The following CEP295 variants were observed in gnomAD, a reference collection of about 807,000 sequenced individuals.
CEP295 encodes the protein centrosomal protein 295.
A neutral mutation model predicts 291.6 loss-of-function variants in CEP295; 190 were observed. The ratio of observed to expected loss-of-function variants is 0.65; its 90% CI spans 0.58 to 0.73. The LOEUF (loss-of-function observed/expected upper bound fraction) is 0.73, where lower values mean the gene tolerates loss of function less well. Ranked by LOEUF, CEP295 falls within the 30% of genes least tolerant of loss-of-function variation. The pLI, the probability that CEP295 is intolerant of heterozygous loss-of-function variation, is 0.00. For missense variants in CEP295, 2,863 were observed against 2,949.4 expected (o/e 0.97, Z 0.68); for synonymous variants, 993 against 1,038.8 (o/e 0.96, Z 0.85).
intron 7 of CEP295, among the ~76,000 whole-genome samples, chr11:93,682,206 AC>A (rs1393434440): frequency 1.3e-5 from 2 of 152,058 alleles, no homozygotes; most frequent in African/African-American, 4.8e-5. Context: ...ATATGTTATC[AC>A]TTTTTAATTT....
At chr11:93,728,963 G>A in intron 25 of CEP295, 142 bp downstream of exon 25, 1 of 670,710 alleles carries the variant, frequency 1.5e-6, no homozygotes, top group East Asian at 2.9e-5. Context: ...CTCTCAATTT[G>A]TCTTAAACCT....
intron 20 of CEP295, chr11:93,722,372 G>A (rs1177433656): frequency 4.1e-6 from 1 of 242,062 alleles, no homozygotes; most frequent in East Asian, 1.1e-4. Context: ...TGAGGTGAGG[G>A]GATCGCTTGA....
rs558849782 is a variant in CEP295, at chr11:93,698,812, T to C, written c.3900T>C (p.Phe1300=). The change falls in exon 15 of 30, where the codon TTT becomes TTC. Residue 1300 remains phenylalanine (F), a synonymous_variant. Transcript: ENST00000325212. ...TACCCCAGTTGGTACAGCTTTCATT[T>C]ACTTCGTTAGCTTCAGCTGAGTCTG... ...SFIPQLVQLS[F]TSLASAESGT... is the part of the protein sequence containing the mutation. The C allele has an allele frequency of 6.3e-5, 97 of 1,551,756 alleles. No individual in the cohort carries two copies. The East Asian group carries it at 1.6e-3, about 26-fold the overall frequency.
At chr11:93,673,528 C>A (rs1215502916) in intron 5 of CEP295, among the ~76,000 whole-genome samples, 2 of 151,910 alleles carry the variant, frequency 1.3e-5, no homozygotes, top group Non-Finnish European at 2.9e-5. Context: ...GAATCTTATT[C>A]TGTCGCCCAG....
At position 93,723,310 on chromosome 11, in the gene CEP295, T is replaced by G. The variant is rs1375701364; in HGVS notation, c.6196+21T>G. 3 of 1,422,116 alleles carry G rather than the reference T, an allele frequency of 2.1e-6. No individual in the cohort carries two copies. The Admixed American group carries it at 7.9e-5, about 38-fold the overall frequency. 88.1% of individuals were successfully genotyped at this position (1,422,116 alleles called of 1,614,324 possible). A position where few individuals can be genotyped will look rare whatever the true frequency, so the allele number is the denominator to read the frequency against. The stretch of plus-strand genomic sequence containing the variant: ...GCAAGGTAAAATTATTTTAAAGCAA[T>G]ACTTTTATGTAAATTAAGTTTTAAA... On this transcript the variant is annotated intron_variant, in intron 21 of 29. Coordinates refer to ENST00000325212, the MANE Select transcript of CEP295 (RefSeq NM_033395.2).
intron 24 of CEP295, 71 bp from the exon 25 acceptor site, chr11:93,728,610 T>C (rs1214387706): frequency 6.6e-6 from 9 of 1,366,248 alleles, no homozygotes; most frequent in East Asian, 2.7e-5. Flanking sequence ...ATGTGCATTA[T>C]ATACAAAACG....
chr11:93,690,037 T>C (rs1951438800), intron 10 of CEP295, among the ~76,000 whole-genome samples: 1 of 151,808 alleles, frequency 6.6e-6, no homozygotes, highest in Admixed American at 6.6e-5. Context: ...GTAAAAGGAG[T>C]GGCCAGAGAA....
chr11:93,714,890 G>C (rs1953135938), intron 18 of CEP295, among the ~76,000 whole-genome samples: 1 of 152,150 alleles, frequency 6.6e-6, no homozygotes, highest in Non-Finnish European at 1.5e-5. Flanking sequence ...GCTGGGGGGA[G>C]GGGTGACACA....
intron 18 of CEP295, among the ~76,000 whole-genome samples, chr11:93,718,687 C>T (rs879722998): frequency 2.6e-5 from 4 of 152,190 alleles, no homozygotes; most frequent in Admixed American, 6.5e-5. Context: ...ATTAACTTCT[C>T]ATTTCCCAAT....
chr11:93,666,771 T>C lies in CEP295; in HGVS notation c.64T>C (p.Leu22=). Residue 22 remains leucine (L), a synonymous_variant, in exon 2 of 30, where the codon TTG becomes CTG. Coordinates refer to ENST00000325212, the MANE Select transcript of CEP295 (RefSeq NM_033395.2). ...RLSPNEEAFI[L]KEDYERRRKL... is the part of the protein sequence containing the mutation. ...GAGTCCTAATGAGGAAGCCTTCATT[T>C]TGAAGGAAGATTATGAAAGAAGGCG... 1.9e-6 allele frequency: 3 copies of C among 1,548,696 alleles called. No homozygotes were observed. The highest frequency in any genetic ancestry group is 2.6e-6 in the Non-Finnish European group (3 of 1,144,852).
intron 17 of CEP295, among the ~76,000 whole-genome samples, chr11:93,704,879 A>T (rs2135173483): frequency 6.6e-6 from 1 of 152,290 alleles, no homozygotes; most frequent in South Asian, 2.1e-4. Flanking sequence ...TTACTTTTCA[A>T]GTATTTTAAG....
chr11:93,677,814 A>C (rs1011684738), intron 6 of CEP295, among the ~76,000 whole-genome samples: 1 of 152,188 alleles, frequency 6.6e-6, no homozygotes, highest in Non-Finnish European at 1.5e-5. Flanking sequence ...CAAGATTCAG[A>C]AATGTATTTA....
At chr11:93,670,753 G>T (rs952371222) in intron 5 of CEP295, among the ~76,000 whole-genome samples, 59 of 152,144 alleles carry the variant, frequency 3.9e-4, no homozygotes, top group African/African-American at 1.4e-3. Flanking sequence ...TATTATCCAT[G>T]ATGCCTTTTG....
At position 93,729,433 on chromosome 11, in the gene CEP295, GGTGA is replaced by G. The variant is rs1316192186; in HGVS notation, c.7309_7312del (p.Glu2437PhefsTer21). The G allele has an allele frequency of 9.1e-6, 14 of 1,545,216 alleles. No homozygotes were observed. The highest frequency in any genetic ancestry group is 5.5e-5 in the African/African-American group (4 of 72,956). On this transcript the variant is annotated frameshift_variant and splice_region_variant, in exon 26 of 30. Transcript: ENST00000325212. LOFTEE classifies it high-confidence loss of function. ...AAAACATGCAACTTTCTTGCCATTA[GGTGA>G]GTGAGTTTCTGCCTCTTGTATCAGC...
intron 6 of CEP295, among the ~76,000 whole-genome samples, chr11:93,678,485 T>C (rs997691329): frequency 6.6e-5 from 10 of 152,248 alleles, no homozygotes; most frequent in Non-Finnish European, 1.5e-4. Flanking sequence ...TTTAATAATC[T>C]TACACTTGAA....
chr11:93,700,139 A>G lies in CEP295; in HGVS notation c.5227A>G (p.Ile1743Val). 1.3e-6 allele frequency: 2 copies of G among 1,551,416 alleles called. No individual in the cohort carries two copies. Among genetic ancestry groups the G allele is most frequent in the Non-Finnish European group, 1.7e-6 (2 of 1,146,894 alleles). Residue 1743 changes from isoleucine (I) to valine (V), a missense_variant, in exon 15 of 30, where the codon ATA (isoleucine) becomes GTA (valine). Transcript: ENST00000325212. Reference sequence around the variant, plus strand: ...GAGACAAACAGCATTGCAGCAGCAGATACAGAAACATGAAGAGACTTTGAA... The same window carrying G: ...GAGACAAACAGCATTGCAGCAGCAGGTACAGAAACATGAAGAGACTTTGAA... ...VQRQTALQQQ[I>V]QKHEETLKDF...
Position 93,696,834 on chromosome 11 carries a change from T to A in CEP295, c.1922T>A (p.Ile641Lys). The change falls in exon 15 of 30, where the codon ATA becomes AAA. Residue 641 changes from isoleucine (I) to lysine (K), a missense_variant. By Grantham distance (102) the Ile-to-Lys change is moderately radical. This residue lies in a region of CEP295 where 2,295 missense variants were observed against 2,335.7 expected (regional missense o/e 0.98). Coordinates refer to ENST00000325212, the MANE Select transcript of CEP295 (RefSeq NM_033395.2). ...PSWKSERPTA[I>K]SEHWDQGQRL... ...TGGAAATCTGAGAGACCGACTGCTA[T>A]ATCAGAGCATTGGGATCAAGGTCAG... 1 of 1,551,710 alleles carries A rather than the reference T, an allele frequency of 6.4e-7. No homozygotes were observed. Among genetic ancestry groups the A allele is most frequent in the Non-Finnish European group, 8.7e-7 (1 of 1,146,986 alleles).
intron 18 of CEP295, among the ~76,000 whole-genome samples, chr11:93,709,247 C>T (rs192918722): frequency 2.6e-5 from 4 of 152,228 alleles, no homozygotes; most frequent in Admixed American, 6.5e-5. Flanking sequence ...AGGGTTTCCC[C>T]AATGTTTTCT....
At chr11:93,721,635 A>G (rs768070710) in intron 19 of CEP295, 1 of 750,474 alleles carries the variant, frequency 1.3e-6, no homozygotes, top group South Asian at 1.4e-5. Context: ...AAAACTATAA[A>G]ACAATGTAAA....
Sources: allele counts gnomAD v4.1 joint callset (sites outside exome capture counted in the v4.1 genomes callset), GRCh38; gene constraint gnomAD v4.1.1; regional missense constraint gnomAD v4.1.1; transcripts MANE v1.5; gene names NCBI Gene and HGNC (gene_info 2026-07-23, HGNC 2026-07-21).